Variants in PRUNE2 observed in about 807,000 individuals in gnomAD.
The protein encoded by PRUNE2 is prune homolog 2 with BCH domain.
In PRUNE2, 164 loss-of-function variants were observed where a neutral mutation model predicts 252.0. That is an observed-to-expected ratio of 0.65 (90% CI 0.57 to 0.74). PRUNE2 has a LOEUF of 0.74. Among genes scored for constraint, PRUNE2 ranks in the 30% least tolerant of loss-of-function variants. PRUNE2 has a pLI of 0.00. For synonymous variants in PRUNE2, 1,292 were observed against 1,350.2 expected (o/e 0.96, Z 0.94); for missense variants, 3,495 against 3,711.0 (o/e 0.94, Z 1.51).
chr9:76,612,715 G>C lies in PRUNE2; in HGVS notation c.*1855C>G, dbSNP rs1195311426. ...GAGGAGAAAAGAGAAAACGATGGAG[G>C]CTTATGGAGGAAAGAGGGCTGAACT... On this transcript the variant is annotated 3_prime_UTR_variant, in exon 19 of 19. Coordinates refer to ENST00000376718, the MANE Select transcript of PRUNE2 (RefSeq NM_015225.3). The C allele has an allele frequency of 6.6e-6, 1 of 152,350 alleles. No individual in the cohort carries two copies. Among genetic ancestry groups the C allele is most frequent in the Non-Finnish European group, 1.5e-5 (1 of 68,148 alleles). 9.4% of individuals were successfully genotyped at this position (152,350 alleles called of 1,614,324 possible).
At chr9:76,803,412 A>G (rs1365745245) in intron 6 of PRUNE2, among the ~76,000 whole-genome samples, 2 of 152,212 alleles carry the variant, frequency 1.3e-5, no homozygotes, top group African/African-American at 2.4e-5. Context: ...AGTACTTGTA[A>G]GTTGCATTTG....
chr9:76,747,926 G>A (rs1389138807), intron 6 of PRUNE2, among the ~76,000 whole-genome samples: 2 of 152,036 alleles, frequency 1.3e-5, no homozygotes, highest in Admixed American at 6.6e-5. Context: ...CTCCTGAGTA[G>A]CTGGGATTAC....
At position 76,704,066 on chromosome 9, in the gene PRUNE2, T is replaced by A. The variant is rs187947807; in HGVS notation, c.7547A>T (p.Glu2516Val). The part of the protein sequence containing the change: ...ASKEISELEE[E>V]KTIPTKEPEQ... ...AGGCTCTTTGGTAGGAATTGTTTTT[T>A]CTTCTTCCAATTCTGATATTTCCTT... is the stretch of plus-strand genomic sequence containing the variant. Residue 2516 changes from glutamate to valine, a missense_variant, in exon 9 of 19, where the codon GAA (glutamate) becomes GTA (valine). Transcript: ENST00000376718. 1,790 of 1,601,386 alleles carry A rather than the reference T, an allele frequency of 1.1e-3. 1 individual carries two copies. The highest frequency in any genetic ancestry group is 1.4e-3 in the Non-Finnish European group (1,590 of 1,175,706).
chr9:76,625,943 G>A (rs1387792410), intron 16 of PRUNE2, among the ~76,000 whole-genome samples: 1 of 152,108 alleles, frequency 6.6e-6, no homozygotes, highest in East Asian at 1.9e-4. Flanking sequence ...AAGCTGTGAT[G>A]TGCCTTATGA....
intron 17 of PRUNE2, among the ~76,000 whole-genome samples, chr9:76,621,689 T>A (rs1276783901): frequency 6.6e-6 from 1 of 152,022 alleles, no homozygotes; most frequent in East Asian, 1.9e-4. Flanking sequence ...GCAGACTTTT[T>A]TTTTTCTTGA....
intron 6 of PRUNE2, among the ~76,000 whole-genome samples, chr9:76,749,284 C>T (rs903222509): frequency 6.6e-6 from 1 of 152,162 alleles, no homozygotes; most frequent in African/African-American, 2.4e-5. Flanking sequence ...GTTCTTTGTT[C>T]TAAATTTCTT....
intron 6 of PRUNE2, among the ~76,000 whole-genome samples, chr9:76,727,710 CTTTTTTTTTTT>C (rs373565657): frequency 3.0e-4 from 13 of 42,908 alleles, no homozygotes; most frequent in African/African-American, 1.1e-3. Context: ...GTAAACAGGG[CTTTTTTTTTTT>C]TTTTTTTTTT....
At chr9:76,823,566 A>G (rs2058161738) in intron 6 of PRUNE2, 66 bp downstream of exon 6, 1 of 907,420 alleles carries the variant, frequency 1.1e-6, no homozygotes, top group Non-Finnish European at 1.9e-6. Context: ...AGAGAGTTAC[A>G]TTCCAGTTGC....
intron 1 of PRUNE2, among the ~76,000 whole-genome samples, chr9:76,866,096 T>C (rs887124311): frequency 3.9e-5 from 6 of 152,212 alleles, no homozygotes; most frequent in African/African-American, 7.2e-5. Context: ...AGGTACACTA[T>C]TGAACTCTAC....
At chr9:76,881,421 T>A (rs949697202) in intron 1 of PRUNE2, among the ~76,000 whole-genome samples, 9 of 152,000 alleles carry the variant, frequency 5.9e-5, no homozygotes, top group Admixed American at 5.9e-4. Flanking sequence ...TGAAGTGAAA[T>A]TTACATAACA....
At chr9:76,768,607 GTGTGTGTGTGTGTGTGTA>G (rs2052726418) in intron 6 of PRUNE2, among the ~76,000 whole-genome samples, 5 of 151,412 alleles carry the variant, frequency 3.3e-5, no homozygotes, top group Admixed American at 6.6e-5. Context: ...GTGTGTGTGT[GTGTGTGTGTGTGTGTGTA>G]TATCCCTGCT....
intron 6 of PRUNE2, among the ~76,000 whole-genome samples, chr9:76,821,351 G>A (rs1360502266): frequency 1.3e-5 from 2 of 152,184 alleles, no homozygotes; most frequent in Non-Finnish European, 2.9e-5. Flanking sequence ...TTTTTAAAGT[G>A]AGGTTAATGG....
At chr9:76,644,512 A>G in intron 12 of PRUNE2, 1 of 637,166 alleles carries the variant, frequency 1.6e-6, no homozygotes, top group East Asian at 3.0e-5. Flanking sequence ...GATATGTAGC[A>G]TGAAAAGCCC....
Position 76,619,403 on chromosome 9 carries a change from A to AAAT in PRUNE2, c.9189-19_9189-17dup. 1 of 1,592,084 alleles carries AAAT rather than the reference A, an allele frequency of 6.3e-7. No homozygotes were observed. The highest frequency in any genetic ancestry group is 8.6e-7 in the Non-Finnish European group (1 of 1,164,548). On this transcript the variant is annotated splice_polypyrimidine_tract_variant and intron_variant, in intron 17 of 18. Transcript: ENST00000376718. Reference sequence around the variant, plus strand: ...GCAGCTAGTTCTGAGTGCAAGGAAAAAATAGGAAGCAGTCAACATTTCCCC... The same window carrying AAAT: ...GCAGCTAGTTCTGAGTGCAAGGAAAAAATAATAGGAAGCAGTCAACATTTCCCC...
chr9:76,760,429 A>G (rs1037347650), intron 6 of PRUNE2, among the ~76,000 whole-genome samples: 9 of 152,024 alleles, frequency 5.9e-5, no homozygotes, highest in Non-Finnish European at 1.3e-4. Context: ...AGTACCAAAG[A>G]TTCTTCTCTT....
chr9:76,747,732 T>C (rs890780485), intron 6 of PRUNE2, among the ~76,000 whole-genome samples: 1 of 152,190 alleles, frequency 6.6e-6, no homozygotes, highest in South Asian at 2.1e-4. Flanking sequence ...AATCCCACTG[T>C]GGCAGTTCTT....
rs376648187 is a variant in PRUNE2 at position 76,638,135 on chromosome 9, T to C, written c.8831+51A>G. ...TTAATTAAAGGTGCTCTATCTGCCA[T>C]TACATGCCACAGACATTAACTCAAA... On this transcript the variant is annotated intron_variant, in intron 13 of 18. Transcript: ENST00000376718. 216 of 1,169,504 alleles carry C rather than the reference T, an allele frequency of 1.8e-4. No homozygotes were observed. The African/African-American group carries it at 2.9e-3, about 16-fold the overall frequency. 72.4% of individuals were successfully genotyped at this position (1,169,504 alleles called of 1,614,324 possible). A position where few individuals can be genotyped will look rare whatever the true frequency, so the allele number is the denominator to read the frequency against.
In PRUNE2 at chr9:76,706,110, C is replaced by T; in HGVS notation, c.6164G>A (p.Gly2055Asp). 1 of 1,613,982 alleles carries T rather than the reference C, an allele frequency of 6.2e-7. No homozygotes were observed. The highest frequency in any genetic ancestry group is 8.5e-7 in the Non-Finnish European group (1 of 1,179,886). ...CAGCTGCCCACCCTCTTGAAAGTTGCCATGTAAAATATCTGGCACAAAGGT... is the reference window on the plus strand; with the variant it reads ...CAGCTGCCCACCCTCTTGAAAGTTGTCATGTAAAATATCTGGCACAAAGGT... ...RGTFVPDILH[G>D]NFQEGGQLAS... is the part of the protein sequence containing the mutation. The change falls in exon 8 of 19, where the codon GGC becomes GAC. Residue 2055 changes from glycine to aspartate, a missense_variant. By Grantham distance (94) the Gly-to-Asp change is moderately conservative. Coordinates refer to ENST00000376718, the MANE Select transcript of PRUNE2 (RefSeq NM_015225.3).
chr9:76,678,611 C>A (rs1043660948), intron 9 of PRUNE2, among the ~76,000 whole-genome samples: 1 of 152,000 alleles, frequency 6.6e-6, no homozygotes, highest in Admixed American at 6.6e-5. Flanking sequence ...GGGCGGATGA[C>A]GAGGTCAGGA....
Sources: allele counts gnomAD v4.1 joint callset (sites outside exome capture counted in the v4.1 genomes callset), GRCh38; gene constraint gnomAD v4.1.1; transcripts MANE v1.5; gene names NCBI Gene and HGNC (gene_info 2026-07-23, HGNC 2026-07-21).